POLN: variants seen among roughly 807,000 people sequenced by gnomAD.
The protein encoded by POLN is DNA polymerase N.
Under a neutral mutation model 113.5 loss-of-function variants are expected in POLN, and 108 were observed. The observed-to-expected ratio is 0.95, with a 90% CI of 0.81 to 1.12. The LOEUF (loss-of-function observed/expected upper bound fraction) is 1.12, where lower values mean the gene tolerates loss of function less well. Ranked by LOEUF, POLN falls within the 50% of genes most tolerant of loss-of-function variation. POLN has a pLI of 0.00. For missense variants in POLN, 1,097 were observed against 1,077.1 expected (o/e 1.02, Z -0.26); for synonymous variants, 386 against 391.5 (o/e 0.99, Z 0.17).
chr4:2,081,618 A>G lies in POLN; in HGVS notation c.2308+15T>C. 2 of 1,613,042 alleles carry G rather than the reference A, an allele frequency of 1.2e-6. No individual in the cohort carries two copies. The highest frequency in any genetic ancestry group is 8.5e-7 in the Non-Finnish European group (1 of 1,178,976). On this transcript the variant is annotated intron_variant, in intron 22 of 25. Coordinates refer to ENST00000511885, the MANE Select transcript of POLN (RefSeq NM_181808.4). ...GCAAATGGACACAGAACTACAGGTA[A>G]GAGGCTTCTGGTACCTTGCACCACG...
intron 20 of POLN, chr4:2,089,761 A>C: frequency 2.8e-6 from 2 of 722,208 alleles, no homozygotes; most frequent in Non-Finnish European, 4.6e-6. Context: ...TATGGACTTT[A>C]AATCTGGTAT....
chr4:2,201,871 TG>T (rs1343167224), intron 5 of POLN, among the ~76,000 whole-genome samples: 1 of 152,166 alleles, frequency 6.6e-6, no homozygotes, highest in African/African-American at 2.4e-5. Context: ...TAGAAGGGAC[TG>T]GGGCCCTATC....
chr4:2,081,759 C>A lies in POLN; in HGVS notation c.2198-16G>T, dbSNP rs1730426906. 2 of 1,610,086 alleles carry A rather than the reference C, an allele frequency of 1.2e-6. No homozygotes were observed. The highest frequency in any genetic ancestry group is 1.7e-6 in the Non-Finnish European group (2 of 1,176,584). On this transcript the variant is annotated splice_polypyrimidine_tract_variant and intron_variant, in intron 21 of 25. Transcript: ENST00000511885. ...ACCACACAGCCTGAGTCACACAGAG[C>A]AAAAGTAGATGAGGGACAGAAACAG... is the stretch of plus-strand genomic sequence containing the variant.
rs1422146806 is a variant in POLN, at chr4:2,126,224, C to G, written c.1982+1889G>C. On this transcript the variant is annotated intron_variant, in intron 19 of 25. Transcript: ENST00000511885. This position sits in a 1 kb window ranked among gnomAD's most constrained non-coding sequence, Gnocchi z 4.6. ...CTTTTGTCACTTTCCCTGCTGTCAC[C>G]ATAAACACAATTTCACAGCTACTCC... 6.6e-6 allele frequency among the ~76,000 whole-genome samples: 1 copy of G among 152,200 alleles called. No individual in the cohort carries two copies. Among genetic ancestry groups the G allele is most frequent in the Non-Finnish European group, 1.5e-5 (1 of 68,040 alleles).
chr4:2,231,992 G>T, intron 2 of POLN: 1 of 1,496,136 alleles, frequency 6.7e-7, no homozygotes, highest in Non-Finnish European at 9.3e-7. Context: ...ATATCTTTCA[G>T]ATAATCTTCA....
chr4:2,196,947 T>C (rs531351410), intron 6 of POLN, among the ~76,000 whole-genome samples: 15 of 152,062 alleles, frequency 9.9e-5, no homozygotes, highest in Non-Finnish European at 2.1e-4. Flanking sequence ...GCACACCACA[T>C]GGTCAGGAAC....
At chr4:2,178,946 A>G (rs1016601578) in intron 8 of POLN, among the ~76,000 whole-genome samples, 1 of 152,054 alleles carries the variant, frequency 6.6e-6, no homozygotes, top group South Asian at 2.1e-4. Context: ...TTCTCTCCAC[A>G]CAGACTGAAG....
intron 2 of POLN, among the ~76,000 whole-genome samples, chr4:2,238,151 T>G (rs1734834199): frequency 6.6e-6 from 1 of 152,200 alleles, no homozygotes; most frequent in South Asian, 2.1e-4. Flanking sequence ...GACATCCAGA[T>G]GAAGCCTGGG....
At chr4:2,166,635 A>G (rs564039065) in intron 13 of POLN, among the ~76,000 whole-genome samples, 1 of 152,272 alleles carries the variant, frequency 6.6e-6, no homozygotes, top group African/African-American at 2.4e-5. Context: ...GCCCAGTTAG[A>G]ATGAAAAACA....
intron 2 of POLN, chr4:2,238,557 A>G: frequency 2.3e-6 from 3 of 1,315,504 alleles, no homozygotes; most frequent in Non-Finnish European, 3.1e-6. Flanking sequence ...AGTATTTCGC[A>G]AAAACAAAAG....
chr4:2,088,999 G>A (rs183817354), intron 20 of POLN: 10 of 871,202 alleles, frequency 1.1e-5, no homozygotes, highest in Non-Finnish European at 1.9e-5. Flanking sequence ...AGCCTTTATT[G>A]TTTTTCTCAT....
Position 2,157,911 on chromosome 4 carries a change from C to A in POLN, c.1612G>T (p.Val538Phe). ...LPKIILEYRQVHKIKSTFVDG... is the reference protein window; with the variant it reads ...LPKIILEYRQFHKIKSTFVDG... ...ACAAAGGTTGACTTGATCTTGTGAA[C>A]CTAAGGTGGAAAGACAAGAATAATC... is the stretch of plus-strand genomic sequence containing the variant. Residue 538 changes from valine to phenylalanine, a missense_variant and splice_region_variant, in exon 15 of 26, where the codon GTT becomes TTT. Val to Phe is a conservative substitution (Grantham distance 50). Coordinates refer to ENST00000511885, the MANE Select transcript of POLN (RefSeq NM_181808.4). 6.2e-7 allele frequency: 1 copy of A among 1,603,272 alleles called. No individual in the cohort carries two copies. Among genetic ancestry groups the A allele is most frequent in the Non-Finnish European group, 8.5e-7 (1 of 1,172,046 alleles).
chr4:2,231,757 G>A, intron 2 of POLN: 27 of 484,600 alleles, frequency 5.6e-5, no homozygotes. Context: ...AAAAGCACTG[G>A]TATTCTGAAT....
intron 17 of POLN, among the ~76,000 whole-genome samples, chr4:2,130,847 G>A (rs560577148): frequency 2.0e-5 from 3 of 152,172 alleles, no homozygotes; most frequent in South Asian, 4.1e-4. Flanking sequence ...AGGTGAAGCA[G>A]TTAGTTATAT....
chr4:2,121,826 T>C (rs1319929817), intron 19 of POLN, among the ~76,000 whole-genome samples: 8 of 151,938 alleles, frequency 5.3e-5, no homozygotes, highest in South Asian at 2.1e-4. Flanking sequence ...TGTTTTCCTA[T>C]TGTCAATTTC....
Position 2,075,485 on chromosome 4 carries a change from C to T in POLN, c.2422G>A (p.Glu808Lys). 6.2e-7 allele frequency: 1 copy of T among 1,613,574 alleles called. No individual in the cohort carries two copies. The part of the protein sequence containing the change: ...VAQIHDELLF[E>K]VEDPQIPECA... ...TCCGGGATCTGCGGATCTTCCACTT[C>T]AAACAGCAGCTCATCATGGATCTGG... is the stretch of plus-strand genomic sequence containing the variant. Residue 808 changes from glutamate to lysine, a missense_variant, in exon 24 of 26, where the codon GAA becomes AAA. Physicochemically the swap from Glu to Lys is moderately conservative, Grantham distance 56 (BLOSUM62 1). Coordinates refer to ENST00000511885, the MANE Select transcript of POLN (RefSeq NM_181808.4).
At chr4:2,176,365 C>A in intron 8 of POLN, 31 bp from the exon 9 acceptor site, 1 of 1,538,410 alleles carries the variant, frequency 6.5e-7, no homozygotes, top group South Asian at 1.2e-5. Context: ...TTTTAAAAAT[C>A]AGATAAACTT....
rs144470886 is a variant in POLN at position 2,203,667 on chromosome 4, A to G, written c.714+4320T>C. On this transcript the variant is annotated intron_variant, in intron 5 of 25. Transcript: ENST00000511885. ...GGATAGCCCTAAACACCTACATCAA[A>G]AAGTCTGAAAGAGCACAATCTAAGG... Among the ~76,000 whole-genome samples the G allele has an allele frequency of 2.4e-3, 366 of 152,230 alleles. 1 individual carries two copies. Among genetic ancestry groups the G allele is most frequent in the Middle Eastern group, 0.014 (4 of 294 alleles).
intron 16 of POLN, among the ~76,000 whole-genome samples, chr4:2,148,827 A>G (rs1732217390): frequency 6.6e-6 from 1 of 152,234 alleles, no homozygotes; most frequent in East Asian, 1.9e-4. Context: ...ATAAGGTAAA[A>G]GCAGTAAAGA....
Sources: gnomAD v4.1 joint callset for allele counts (sites outside exome capture counted in the v4.1 genomes callset) on GRCh38, gnomAD v4.1.1 for gene constraint, Gnocchi (gnomAD v3.1) non-coding constraint, MANE v1.5 for transcripts, NCBI Gene and HGNC (gene_info 2026-07-23, HGNC 2026-07-21) for gene names.